The following SNRNP70 variants were observed in gnomAD, a reference collection of about 807,000 sequenced individuals.
The protein encoded by SNRNP70 is U1 small nuclear ribonucleoprotein 70 kDa.
SNRNP70 carries 8 observed loss-of-function variants against 50.5 expected under a neutral mutation model. The observed-to-expected ratio is 0.16, with a 90% CI of 0.09 to 0.29. The LOEUF (loss-of-function observed/expected upper bound fraction) is 0.29, where lower values mean the gene tolerates loss of function less well. SNRNP70 is among the 10% of genes least tolerant of loss of function. The pLI is 1.00. For missense variants in SNRNP70, 529 were observed against 663.5 expected, an observed-to-expected ratio of 0.80 and a Z score of 2.23; for synonymous variants, 320 against 252.9, an observed-to-expected ratio of 1.27 and a Z score of -2.52.
chr19:49,090,081 G>A (rs1051018288), intron 2 of SNRNP70, among the ~76,000 whole-genome samples: 7 of 151,446 alleles, frequency 4.6e-5, no homozygotes, highest in Admixed American at 2.0e-4. Context: ...AAAGTGCTGC[G>A]ATTACAAGTG....
chr19:49,097,519 C>A (rs915730156), intron 4 of SNRNP70, among the ~76,000 whole-genome samples: 1 of 152,172 alleles, frequency 6.6e-6, no homozygotes, highest in African/African-American at 2.4e-5. Flanking sequence ...CAAAAAATTG[C>A]AACCTCTGGC....
intron 8 of SNRNP70, among the ~76,000 whole-genome samples, chr19:49,105,209 G>A (rs2040650756): frequency 6.6e-6 from 1 of 152,116 alleles, no homozygotes; most frequent in African/African-American, 2.4e-5. Flanking sequence ...CGGGCTTCTA[G>A]TTGAGCAACA....
chr19:49,091,078 T>A (rs1307061241), intron 4 of SNRNP70, among the ~76,000 whole-genome samples: 1 of 151,956 alleles, frequency 6.6e-6, no homozygotes, highest in Non-Finnish European at 1.5e-5. Context: ...CCTATAAGAT[T>A]ATATCATATT....
chr19:49,085,487 G>T lies in SNRNP70; in HGVS notation c.-160G>T, dbSNP rs532785035. The T allele has an allele frequency of 2.2e-6, 1 of 451,502 alleles. No individual in the cohort carries two copies. The highest frequency in any genetic ancestry group is 4.5e-6 in the Non-Finnish European group (1 of 223,818). The allele number at this position is 451,502 out of a possible 1,614,324, so 28.0% of individuals were successfully genotyped here. ...GAGGCCGCGCGGGTGGCTGAGCAGC[G>T]GCCTGGTGCGCTCGCTTAGCGGGCG... On this transcript the variant is annotated 5_prime_UTR_variant, in exon 1 of 10. Transcript: ENST00000598441.
At chr19:49,105,885 C>T (rs1288363881) in intron 8 of SNRNP70, among the ~76,000 whole-genome samples, 1 of 152,262 alleles carries the variant, frequency 6.6e-6, no homozygotes, top group East Asian at 1.9e-4. Flanking sequence ...CCCAGCTTTA[C>T]ACTCAGTCCT....
At position 49,104,414 on chromosome 19, in the gene SNRNP70, T is replaced by G; in HGVS notation, c.476-220T>G. 16 of 504,044 alleles carry G rather than the reference T, an allele frequency of 3.2e-5. No homozygotes were observed. Among genetic ancestry groups the G allele is most frequent in the South Asian group, 5.2e-5 (2 of 38,384 alleles). 31.2% of individuals were successfully genotyped at this position (504,044 alleles called of 1,614,324 possible). On this transcript the variant is annotated intron_variant, in intron 7 of 9. Transcript: ENST00000598441. This position sits in a 1 kb window ranked among gnomAD's most constrained non-coding sequence, Gnocchi z 5.4. ...GGTGGACGTCTCCCCCGACCAGGAG[T>G]GGTTGGGGCGCTGAGAGGAAGCAGA...
intron 2 of SNRNP70, among the ~76,000 whole-genome samples, chr19:49,086,814 G>A (rs1249062136): frequency 6.6e-6 from 1 of 152,034 alleles, no homozygotes; most frequent in Non-Finnish European, 1.5e-5. Flanking sequence ...AGGCTGGAGT[G>A]CTTTGTGATT....
intron 7 of SNRNP70, 47 bp downstream of exon 7, chr19:49,101,518 T>G: frequency 7.3e-7 from 1 of 1,372,188 alleles, no homozygotes; most frequent in East Asian, 2.3e-5. Context: ...CTCTCACTTC[T>G]CTGCTGCCCC....
chr19:49,093,034 G>GC (rs34685855), intron 4 of SNRNP70, among the ~76,000 whole-genome samples: 96,583 of 151,106 alleles, frequency 0.64, 31,056 homozygotes, highest in South Asian at 0.69. Flanking sequence ...GTCTGCCTCG[G>GC]CCCCCAGAGT....
intron 6 of SNRNP70, among the ~76,000 whole-genome samples, chr19:49,100,282 C>T (rs1365062929): frequency 2.0e-5 from 3 of 152,148 alleles, no homozygotes; most frequent in Admixed American, 6.5e-5. Context: ...GAGCTGACCC[C>T]ATCTCTGCTG....
chr19:49,100,806 C>CAAAA (rs61621289), intron 6 of SNRNP70, among the ~76,000 whole-genome samples: 1 of 112,396 alleles, frequency 8.9e-6, no homozygotes, highest in African/African-American at 3.5e-5. Flanking sequence ...ACTCTGTCTC[C>CAAAA]AAAAAAAAAA....
chr19:49,096,904 C>T (rs919089000), intron 4 of SNRNP70, among the ~76,000 whole-genome samples: 4 of 151,816 alleles, frequency 2.6e-5, no homozygotes, highest in African/African-American at 9.7e-5. Flanking sequence ...CCGAGGAGGG[C>T]GGATCACCTG....
At position 49,108,450 on chromosome 19, in the gene SNRNP70, C is replaced by T. The variant is rs763961844; in HGVS notation, c.*7C>T. 2.5e-6 allele frequency: 4 copies of T among 1,588,662 alleles called. No homozygotes were observed. The South Asian group carries it at 3.4e-5, about 14-fold the overall frequency. On this transcript the variant is annotated 3_prime_UTR_variant, in exon 10 of 10. Coordinates refer to ENST00000598441, the MANE Select transcript of SNRNP70 (RefSeq NM_003089.6). ...GGAGGCTGCGCCGGAGTGAAGAGGTCGTCCTCTCCATCTGCTGTGTTTGGA... is the reference window on the plus strand; with the variant it reads ...GGAGGCTGCGCCGGAGTGAAGAGGTTGTCCTCTCCATCTGCTGTGTTTGGA...
chr19:49,098,421 G>T lies in SNRNP70; in HGVS notation c.266-6G>T. On this transcript the variant is annotated splice_polypyrimidine_tract_variant and splice_region_variant and intron_variant, in intron 4 of 9. Coordinates refer to ENST00000598441, the MANE Select transcript of SNRNP70 (RefSeq NM_003089.6). Reference sequence around the variant, plus strand: ...CAACTTATAAAATTCCTTTCTTCCTGCACAGGGGACCCTCACAATGATCCC... The same window carrying T: ...CAACTTATAAAATTCCTTTCTTCCTTCACAGGGGACCCTCACAATGATCCC... 6.2e-7 allele frequency: 1 copy of T among 1,610,610 alleles called. No individual in the cohort carries two copies. Among genetic ancestry groups the T allele is most frequent in the Non-Finnish European group, 8.5e-7 (1 of 1,178,218 alleles).
At chr19:49,099,009 AG>A (rs1251723507) in intron 6 of SNRNP70, among the ~76,000 whole-genome samples, 3 of 152,230 alleles carry the variant, frequency 2.0e-5, no homozygotes, top group Non-Finnish European at 4.4e-5. Context: ...GTTGTAAGGC[AG>A]GGTTGGATTG....
chr19:49,085,829 C>T (rs2040370659), intron 1 of SNRNP70, among the ~76,000 whole-genome samples, 193 bp downstream of exon 1: 2 of 152,238 alleles, frequency 1.3e-5, no homozygotes, highest in Non-Finnish European at 2.9e-5. Flanking sequence ...CCTCGTGGTT[C>T]CCTACCCACA....
chr19:49,104,499 C>T lies in SNRNP70; in HGVS notation c.476-135C>T. ...AGAGGGTTGGTCTGGCTGTCAGTTG[C>T]CTGGCTGTCTGTTGGGCGTGTGCGT... is the stretch of plus-strand genomic sequence containing the variant. On this transcript the variant is annotated intron_variant, in intron 7 of 9. Coordinates refer to ENST00000598441, the MANE Select transcript of SNRNP70 (RefSeq NM_003089.6). This position sits in a 1 kb window ranked among gnomAD's most constrained non-coding sequence, Gnocchi z 5.4. 1.4e-6 allele frequency: 1 copy of T among 693,676 alleles called. No individual in the cohort carries two copies. The highest frequency in any genetic ancestry group is 2.6e-6 in the Non-Finnish European group (1 of 391,234). 43.0% of individuals were successfully genotyped at this position (693,676 alleles called of 1,614,324 possible).
At chr19:49,094,629 G>A (rs2040489992) in intron 4 of SNRNP70, among the ~76,000 whole-genome samples, 1 of 152,132 alleles carries the variant, frequency 6.6e-6, no homozygotes, top group Admixed American at 6.6e-5. Context: ...CTCCATAATA[G>A]AAAAGAAATA....
At chr19:49,105,486 T>C (rs901194381) in intron 8 of SNRNP70, among the ~76,000 whole-genome samples, 1 of 151,786 alleles carries the variant, frequency 6.6e-6, no homozygotes, top group Non-Finnish European at 1.5e-5. Flanking sequence ...CCCAGCACTT[T>C]GGGAGGCCGA....
Sources: allele counts gnomAD v4.1 joint callset (sites outside exome capture counted in the v4.1 genomes callset), GRCh38; gene constraint gnomAD v4.1.1; non-coding constraint Gnocchi (gnomAD v3.1); transcripts MANE v1.5; gene names NCBI Gene and HGNC (gene_info 2026-07-23, HGNC 2026-07-21).